The following LIPC variants were observed in gnomAD, a reference collection of about 807,000 sequenced individuals.
LIPC encodes the protein lipase C, hepatic type.
A neutral mutation model predicts 50.7 loss-of-function variants in LIPC; 44 were observed. The ratio of observed to expected loss-of-function variants is 0.87; its 90% CI spans 0.68 to 1.11. LIPC has a LOEUF of 1.11. LIPC is among the 50% of genes most tolerant of loss of function. The pLI, the probability that LIPC is intolerant of heterozygous loss-of-function variation, is 0.00. For synonymous variants in LIPC, 271 were observed against 256.4 expected (o/e 1.06, Z -0.54); for missense variants, 697 against 648.2 (o/e 1.08, Z -0.82).
At chr15:58,552,537 C>T (rs1295939654) in intron 6 of LIPC, among the ~76,000 whole-genome samples, 1 of 152,196 alleles carries the variant, frequency 6.6e-6, no homozygotes, top group East Asian at 1.9e-4. Context: ...CTTCCCCCTC[C>T]CCCGCCCCCT....
rs6073 is a variant in LIPC at position 58,542,518 on chromosome 15, C to A, written c.457-16C>A. The A allele has an allele frequency of 1.9e-6, 3 of 1,547,784 alleles. No homozygotes were observed. The highest frequency in any genetic ancestry group is 2.2e-5 in the East Asian group (1 of 44,654). ...GGCAGCTCTTCTCCTGCCCCCATCC[C>A]GCTGCTGTCTTCCAGGAATCTGTGC... On this transcript the variant is annotated splice_polypyrimidine_tract_variant and intron_variant, in intron 3 of 8. Transcript: ENST00000299022.
chr15:58,457,014 C>G (rs191723058), intron 1 of LIPC, among the ~76,000 whole-genome samples: 3 of 152,198 alleles, frequency 2.0e-5, no homozygotes, highest in Non-Finnish European at 2.9e-5. Context: ...TGCCCAGGGC[C>G]GGGCACCTCC....
At chr15:58,486,495 C>T (rs566439296) in intron 1 of LIPC, among the ~76,000 whole-genome samples, 3 of 152,214 alleles carry the variant, frequency 2.0e-5, no homozygotes, top group Non-Finnish European at 2.9e-5. Flanking sequence ...GTAGTTATGA[C>T]CCTCTGAGAT....
intron 1 of LIPC, among the ~76,000 whole-genome samples, chr15:58,434,502 G>T (rs968650596): frequency 7.2e-5 from 11 of 152,208 alleles, no homozygotes; most frequent in African/African-American, 2.2e-4. Flanking sequence ...AGCAGGGAGA[G>T]GTACCTGCAG....
At chr15:58,464,168 C>T (rs749244118) in intron 1 of LIPC, among the ~76,000 whole-genome samples, 1 of 152,186 alleles carries the variant, frequency 6.6e-6, no homozygotes, top group Non-Finnish European at 1.5e-5. Flanking sequence ...CCCCTCTATA[C>T]TTGCCCCTTT....
intron 7 of LIPC, among the ~76,000 whole-genome samples, chr15:58,562,979 A>G (rs538913647): frequency 1.9e-4 from 29 of 152,304 alleles, no homozygotes; most frequent in Admixed American, 1.8e-3. Context: ...TGATCATGAT[A>G]CCTCAGAGTC....
Position 58,560,844 on chromosome 15 carries a change from C to G in LIPC, c.1052-20C>G, listed in dbSNP as rs751459354. ...CTGCTTAAATTATCTCTCTCTTTCTCTCTCTGTCTCTCTCTCTAGTTTATC... is the reference window on the plus strand; with the variant it reads ...CTGCTTAAATTATCTCTCTCTTTCTGTCTCTGTCTCTCTCTCTAGTTTATC... On this transcript the variant is annotated intron_variant, in intron 6 of 8. Transcript: ENST00000299022. 1.1e-6 allele frequency: 1 copy of G among 901,292 alleles called. No individual in the cohort carries two copies. The highest frequency in any genetic ancestry group is 1.3e-5 in the South Asian group (1 of 76,442). The allele number at this position is 901,292 out of a possible 1,614,324, so 55.8% of individuals were successfully genotyped here. A position where few individuals can be genotyped will look rare whatever the true frequency, so the allele number is the denominator to read the frequency against.
intron 1 of LIPC, among the ~76,000 whole-genome samples, chr15:58,453,732 C>A (rs1485691358): frequency 6.6e-6 from 1 of 151,828 alleles, no homozygotes; most frequent in East Asian, 1.9e-4. Context: ...GAAATCCCAA[C>A]TACTAAAAGT....
At chr15:58,487,544 A>C (rs1891420463) in intron 1 of LIPC, among the ~76,000 whole-genome samples, 1 of 152,220 alleles carries the variant, frequency 6.6e-6, no homozygotes, top group South Asian at 2.1e-4. Flanking sequence ...TGTCATTTAA[A>C]ACTGAATGCA....
chr15:58,547,457 G>A (rs1484488538), intron 5 of LIPC, among the ~76,000 whole-genome samples: 4 of 152,154 alleles, frequency 2.6e-5, no homozygotes, highest in Admixed American at 6.5e-5. Context: ...AGCCGCTAGC[G>A]TCCAAGGACT....
chr15:58,452,535 C>G (rs1384491782), intron 1 of LIPC, among the ~76,000 whole-genome samples: 1 of 152,172 alleles, frequency 6.6e-6, no homozygotes, highest in African/African-American at 2.4e-5. Context: ...TGGGCAGATT[C>G]CTTTAACTTT....
chr15:58,516,237 C>CTTTTTTTT (rs11351202), intron 1 of LIPC, among the ~76,000 whole-genome samples: 26 of 45,148 alleles, frequency 5.8e-4, no homozygotes, highest in African/African-American at 9.8e-4. Context: ...CCTCTAGCTT[C>CTTTTTTTT]TTTTTTTTTT....
At chr15:58,502,395 G>A (rs975691381) in intron 1 of LIPC, among the ~76,000 whole-genome samples, 5 of 152,114 alleles carry the variant, frequency 3.3e-5, no homozygotes, top group African/African-American at 7.2e-5. Context: ...CCTGGCACAC[G>A]CAGGTGCTAG....
chr15:58,559,702 CAAAAAAA>C (rs1555407236), intron 6 of LIPC, among the ~76,000 whole-genome samples: 5 of 11,506 alleles, frequency 4.3e-4, no homozygotes, highest in African/African-American at 1.0e-3. Flanking sequence ...GACCCTGTCT[CAAAAAAA>C]AAAAAAAAAA....
At position 58,541,986 on chromosome 15, in the gene LIPC, C is replaced by T. The variant is rs1168206534; in HGVS notation, c.456+19C>T. 6 of 1,598,884 alleles carry T rather than the reference C, an allele frequency of 3.8e-6. No homozygotes were observed. Among genetic ancestry groups the T allele is most frequent in the Non-Finnish European group, 5.1e-6 (6 of 1,174,778 alleles). On this transcript the variant is annotated intron_variant, in intron 3 of 8. Transcript: ENST00000299022. ...GCTGGAGGTACCGACCTGCCCCATC[C>T]TTCCTTCACCTCCCTTCCCTCCTTT...
intron 1 of LIPC, among the ~76,000 whole-genome samples, chr15:58,434,185 T>C (rs1328150534): frequency 6.6e-6 from 1 of 151,904 alleles, no homozygotes; most frequent in Non-Finnish European, 1.5e-5. Context: ...CTCACAACAA[T>C]GAATTGTCTG....
chr15:58,546,356 G>A (rs947034056), intron 5 of LIPC, among the ~76,000 whole-genome samples: 10 of 152,280 alleles, frequency 6.6e-5, no homozygotes, highest in Middle Eastern at 3.4e-3. Flanking sequence ...TCCAGGGACC[G>A]CCTCTATTCT....
chr15:58,563,951 C>T (rs1473316026), intron 8 of LIPC: 3 of 553,108 alleles, frequency 5.4e-6, no homozygotes, highest in Non-Finnish European at 1.0e-5. Flanking sequence ...GGTCTCCCCA[C>T]TGCCCGTGGC....
chr15:58,460,410 C>T (rs1350089980), intron 1 of LIPC, among the ~76,000 whole-genome samples: 2 of 152,158 alleles, frequency 1.3e-5, no homozygotes, highest in African/African-American at 4.8e-5. Flanking sequence ...AGGGTGGGCA[C>T]AGTTAAGGTG....
Sources: gnomAD v4.1 joint callset for allele counts (sites outside exome capture counted in the v4.1 genomes callset) on GRCh38, gnomAD v4.1.1 for gene constraint, MANE v1.5 for transcripts, NCBI Gene and HGNC (gene_info 2026-07-23, HGNC 2026-07-21) for gene names.